The following PRORP variants were observed in gnomAD, a reference collection of about 807,000 sequenced individuals.
The protein encoded by PRORP is mitochondrial ribonuclease P catalytic subunit.
Under a neutral mutation model 59.4 loss-of-function variants are expected in PRORP, and 51 were observed. That is an observed-to-expected ratio of 0.86 (90% CI 0.69 to 1.08). PRORP has a LOEUF of 1.08. Among genes scored for constraint, PRORP ranks in the 50% least tolerant of loss-of-function variants. The pLI is 0.00. For synonymous variants in PRORP, 231 were observed against 245.6 expected (o/e 0.94, Z 0.55); for missense variants, 646 against 690.3 (o/e 0.94, Z 0.72).
chr14:35,270,691 C>A, intron 7 of PRORP, 95 bp downstream of exon 7: 1 of 1,132,384 alleles, frequency 8.8e-7, no homozygotes, highest in African/African-American at 1.5e-5. Context: ...TTGAAGGTTG[C>A]AAATGCTTTA....
At chr14:35,179,383 C>T (rs1452605267) in intron 4 of PRORP, among the ~76,000 whole-genome samples, 4 of 152,202 alleles carry the variant, frequency 2.6e-5, no homozygotes, top group East Asian at 1.9e-4. Flanking sequence ...ACCAATCAGA[C>T]ATAGATTTGG....
intron 5 of PRORP, among the ~76,000 whole-genome samples, chr14:35,205,733 A>G (rs1323278096): frequency 6.6e-6 from 1 of 152,206 alleles, no homozygotes; most frequent in Non-Finnish European, 1.5e-5. Context: ...GAAAGTTTGC[A>G]CTATCACCAT....
In PRORP at chr14:35,266,713, T is replaced by G. The variant is rs1415131878; in HGVS notation, c.1276-14T>G. The stretch of plus-strand genomic sequence containing the variant: ...TCCCTTGAACTTTTGTGGTTCTGGC[T>G]TTGTGTTTTTTAGCTCTTGAATGTC... On this transcript the variant is annotated splice_polypyrimidine_tract_variant and intron_variant, in intron 5 of 7. Coordinates refer to ENST00000534898, the MANE Select transcript of PRORP (RefSeq NM_014672.4). 5 of 1,612,724 alleles carry G rather than the reference T, an allele frequency of 3.1e-6. No homozygotes were observed. In the Admixed American group the frequency reaches 8.4e-5, roughly 27 times the overall value.
intron 4 of PRORP, among the ~76,000 whole-genome samples, chr14:35,133,298 G>A (rs1474992582): frequency 6.6e-6 from 1 of 152,114 alleles, no homozygotes; most frequent in Non-Finnish European, 1.5e-5. Flanking sequence ...AAAGGACTCT[G>A]ATGCATTCTT....
At chr14:35,156,188 GA>G (rs1392456430) in intron 4 of PRORP, among the ~76,000 whole-genome samples, 1 of 152,214 alleles carries the variant, frequency 6.6e-6, no homozygotes, top group Admixed American at 6.5e-5. Flanking sequence ...ATATGAACCT[GA>G]GAGCCTATGT....
At chr14:35,201,772 C>T (rs2049157735) in intron 5 of PRORP, among the ~76,000 whole-genome samples, 1 of 151,618 alleles carries the variant, frequency 6.6e-6, no homozygotes. Flanking sequence ...ATTCTCATGC[C>T]TCAGCCTCCT....
chr14:35,213,968 A>C (rs564241208), intron 5 of PRORP, among the ~76,000 whole-genome samples: 78 of 152,364 alleles, frequency 5.1e-4, no homozygotes, highest in African/African-American at 1.8e-3. Context: ...TAAAAAATGA[A>C]TATCTGTAAA....
intron 4 of PRORP, 99 bp downstream of exon 4, chr14:35,127,710 A>G (rs924828343): frequency 1.2e-5 from 15 of 1,274,490 alleles, no homozygotes; most frequent in Middle Eastern, 3.7e-4. Context: ...TAGGCTTTGT[A>G]GGTCATCGGT....
At chr14:35,176,804 A>C (rs994864270) in intron 4 of PRORP, among the ~76,000 whole-genome samples, 13 of 152,214 alleles carry the variant, frequency 8.5e-5, no homozygotes, top group African/African-American at 3.1e-4. Flanking sequence ...GAGAGAGGGC[A>C]TCCCTGTCTT....
At chr14:35,162,406 A>G (rs182400053) in intron 4 of PRORP, among the ~76,000 whole-genome samples, 115 of 152,240 alleles carry the variant, frequency 7.6e-4, no homozygotes, top group African/African-American at 2.5e-3. Flanking sequence ...ATGAAGTAAA[A>G]AAATAAAATT....
chr14:35,232,831 A>C (rs2138503332), intron 5 of PRORP, among the ~76,000 whole-genome samples: 1 of 151,990 alleles, frequency 6.6e-6, no homozygotes, highest in East Asian at 1.9e-4. Context: ...TGCCACCACG[A>C]CCGGCTAATT....
rs192753942 is a variant in PRORP at position 35,199,122 on chromosome 14, C to T, written c.1275+18345C>T. Among the ~76,000 whole-genome samples, 490 of 151,166 alleles carry T rather than the reference C, an allele frequency of 3.2e-3. 14 individuals carry two copies. The highest frequency in any genetic ancestry group is 0.028 in the Admixed American group (427 of 15,180). On this transcript the variant is annotated intron_variant, in intron 5 of 7. Coordinates refer to ENST00000534898, the MANE Select transcript of PRORP (RefSeq NM_014672.4). ...GGCGGAGGCTGCAGTGAGCCGAAAT[C>T]GTGCCATTGCACTCCAGCCTGGGCA...
intron 4 of PRORP, among the ~76,000 whole-genome samples, chr14:35,165,945 G>A (rs1471881935): frequency 6.6e-6 from 1 of 152,094 alleles, no homozygotes; most frequent in Non-Finnish European, 1.5e-5. Context: ...CTCCCAAAGT[G>A]CTGGGATTAC....
chr14:35,192,943 A>C (rs2048919103), intron 5 of PRORP, among the ~76,000 whole-genome samples: 1 of 151,488 alleles, frequency 6.6e-6, no homozygotes, highest in Non-Finnish European at 1.5e-5. Flanking sequence ...GAGTGAGCCT[A>C]GATTGTGCCA....
At chr14:35,167,715 C>G (rs1053379912) in intron 4 of PRORP, among the ~76,000 whole-genome samples, 1 of 152,206 alleles carries the variant, frequency 6.6e-6, no homozygotes, top group Non-Finnish European at 1.5e-5. Flanking sequence ...GTTAAGAGCA[C>G]TGCTTCCAAC....
chr14:35,189,044 A>G (rs2048817867), intron 5 of PRORP, among the ~76,000 whole-genome samples: 1 of 151,740 alleles, frequency 6.6e-6, no homozygotes, highest in African/African-American at 2.4e-5. Context: ...TTGCAGTTAC[A>G]GAGTTTGCAT....
intron 5 of PRORP, among the ~76,000 whole-genome samples, chr14:35,226,013 C>G (rs2049925502): frequency 6.6e-6 from 1 of 152,128 alleles, no homozygotes; most frequent in Admixed American, 6.5e-5. Context: ...CTAGTGATAC[C>G]TGTTATTACT....
Position 35,274,653 on chromosome 14 carries a change from A to C in PRORP, c.*1087A>C, listed in dbSNP as rs1369232007. 1 of 152,216 alleles carries C rather than the reference A, an allele frequency of 6.6e-6. No individual in the cohort carries two copies. Among genetic ancestry groups the C allele is most frequent in the Non-Finnish European group, 1.5e-5 (1 of 68,066 alleles). The allele number at this position is 152,216 out of a possible 1,614,324, so 9.4% of individuals were successfully genotyped here. A position where few individuals can be genotyped will look rare whatever the true frequency, so the allele number is the denominator to read the frequency against. ...ACAGAGCGAGACCTTGTCTCAAAAC[A>C]AAACAAAGTGCTGGAATTGCAGACT... On this transcript the variant is annotated 3_prime_UTR_variant, in exon 8 of 8. Coordinates refer to ENST00000534898, the MANE Select transcript of PRORP (RefSeq NM_014672.4).
chr14:35,179,612 C>T (rs1193899110), intron 4 of PRORP, among the ~76,000 whole-genome samples: 1 of 152,120 alleles, frequency 6.6e-6, no homozygotes, highest in African/African-American at 2.4e-5. Flanking sequence ...GACTTCTCTA[C>T]ACTGGTTATT....
Sources: gnomAD v4.1 joint callset for allele counts (sites outside exome capture counted in the v4.1 genomes callset) on GRCh38, gnomAD v4.1.1 for gene constraint, MANE v1.5 for transcripts, NCBI Gene and HGNC (gene_info 2026-07-23, HGNC 2026-07-21) for gene names.